FHOD3: variants seen among roughly 807,000 people sequenced by gnomAD.
The protein encoded by FHOD3 is FH1/FH2 domain-containing protein 3.
In FHOD3, 90 loss-of-function variants were observed where a neutral mutation model predicts 173.0. The observed-to-expected ratio is 0.52, with a 90% CI of 0.44 to 0.62. FHOD3 has a LOEUF of 0.62. Among genes scored for constraint, FHOD3 ranks in the 20% least tolerant of loss-of-function variants. The pLI is 0.00. For missense variants in FHOD3, 1,945 were observed against 2,034.7 expected (o/e 0.96, Z 0.85); for synonymous variants, 828 against 823.0 (o/e 1.01, Z -0.10).
At chr18:36,517,110 G>A (rs987878812) in intron 5 of FHOD3, among the ~76,000 whole-genome samples, 5 of 152,120 alleles carry the variant, frequency 3.3e-5, no homozygotes, top group African/African-American at 1.2e-4. Flanking sequence ...GCAGGCTGCT[G>A]GGAAGAAGTC....
intron 3 of FHOD3, among the ~76,000 whole-genome samples, chr18:36,469,673 C>T (rs555887007): frequency 2.6e-5 from 4 of 152,254 alleles, no homozygotes; most frequent in African/African-American, 7.2e-5. Context: ...ATGTCAGGCT[C>T]GGCAGGGGGT....
At chr18:36,532,676 C>A (rs77947313) in intron 5 of FHOD3, among the ~76,000 whole-genome samples, 1,892 of 152,316 alleles carry the variant, frequency 0.012, 42 homozygotes, top group African/African-American at 0.042. Context: ...GTAGTTACCA[C>A]GTGTTGTTCC....
chr18:36,730,155 A>G (rs1212819656), intron 19 of FHOD3, among the ~76,000 whole-genome samples: 1 of 152,178 alleles, frequency 6.6e-6, no homozygotes, highest in African/African-American at 2.4e-5. Flanking sequence ...GCTTTGAGAC[A>G]GTACAGCTGT....
chr18:36,720,236 CTTT>C (rs35295640), intron 19 of FHOD3, among the ~76,000 whole-genome samples: 9 of 119,164 alleles, frequency 7.6e-5, no homozygotes, highest in East Asian at 2.3e-4. Context: ...CGTTCCAATT[CTTT>C]TTTTTTTTTT....
chr18:36,384,959 T>G (rs2047959741), intron 3 of FHOD3, among the ~76,000 whole-genome samples: 1 of 151,954 alleles, frequency 6.6e-6, no homozygotes, highest in Non-Finnish European at 1.5e-5. Flanking sequence ...TACAAACCAT[T>G]AGAACACCAT....
chr18:36,334,317 A>G (rs1292580709), intron 1 of FHOD3, among the ~76,000 whole-genome samples: 1 of 152,230 alleles, frequency 6.6e-6, no homozygotes, highest in Non-Finnish European at 1.5e-5. Flanking sequence ...AGTTAAGGAG[A>G]GGCAGCTCTT....
At chr18:36,569,942 A>G (rs943553979) in intron 5 of FHOD3, among the ~76,000 whole-genome samples, 1 of 152,122 alleles carries the variant, frequency 6.6e-6, no homozygotes, top group African/African-American at 2.4e-5. Context: ...TTCTAGCATT[A>G]CCTGCATATA....
intron 1 of FHOD3, among the ~76,000 whole-genome samples, chr18:36,353,811 A>T (rs2046240573): frequency 6.6e-6 from 1 of 152,156 alleles, no homozygotes. Context: ...TCGTTTCTTG[A>T]TGCTGTCACA....
intron 3 of FHOD3, among the ~76,000 whole-genome samples, chr18:36,485,885 C>T (rs1468249797): frequency 1.3e-5 from 2 of 152,200 alleles, no homozygotes; most frequent in Non-Finnish European, 2.9e-5. Context: ...TTGGTGTCTA[C>T]TGTATGTGTT....
chr18:36,470,689 AG>A (rs2053231013), intron 3 of FHOD3, among the ~76,000 whole-genome samples: 1 of 152,246 alleles, frequency 6.6e-6, no homozygotes, highest in Non-Finnish European at 1.5e-5. Flanking sequence ...GCAAAATGAT[AG>A]TAGCCACTCT....
At chr18:36,437,114 T>C (rs973462084) in intron 3 of FHOD3, among the ~76,000 whole-genome samples, 1 of 152,158 alleles carries the variant, frequency 6.6e-6, no homozygotes, top group African/African-American at 2.4e-5. Flanking sequence ...CTTTTTTGCT[T>C]TTTTGTTTTG....
chr18:36,457,860 G>T (rs555104152), intron 3 of FHOD3, among the ~76,000 whole-genome samples: 12 of 152,312 alleles, frequency 7.9e-5, no homozygotes, highest in Middle Eastern at 3.4e-3. Flanking sequence ...AGTAGGCAAA[G>T]ATCTCAGTAG....
chr18:36,558,873 G>A (rs2057989437), intron 5 of FHOD3, among the ~76,000 whole-genome samples: 1 of 152,164 alleles, frequency 6.6e-6, no homozygotes, highest in East Asian at 1.9e-4. Context: ...AGAACGGGCT[G>A]CCTTCATGTC....
chr18:36,412,703 T>C (rs1187566865), intron 3 of FHOD3, among the ~76,000 whole-genome samples: 2 of 152,250 alleles, frequency 1.3e-5, no homozygotes, highest in Non-Finnish European at 1.5e-5. Flanking sequence ...TTTCAGGCTT[T>C]TTTTGTTTTA....
At position 36,369,506 on chromosome 18, in the gene FHOD3, T is replaced by TAG. The variant is rs71168219; in HGVS notation, c.273-3153_273-3152dup. ...ACACACACACACACACACATATATA[T>TAG]AGAGAGAGAGAGAGAGAGAGAGCAA... On this transcript the variant is annotated intron_variant, in intron 2 of 28. Transcript: ENST00000590592. Among the ~76,000 whole-genome samples, 368 of 128,220 alleles carry TAG rather than the reference T, an allele frequency of 2.9e-3. 2 individuals carry two copies. The highest frequency in any genetic ancestry group is 7.6e-3 in the Middle Eastern group (2 of 262). 84.1% of individuals were successfully genotyped at this position (128,220 alleles called of 152,430 possible).
At position 36,760,457 on chromosome 18, in the gene FHOD3, A is replaced by G. The variant is rs2042820668; in HGVS notation, c.4450-151A>G. On this transcript the variant is annotated intron_variant, in intron 26 of 28. Transcript: ENST00000590592. Reference sequence around the variant, plus strand: ...TTCTTGTAGGCACAGATGTTTTGTCATTAGTTAACTTCAGTGACTGCCGTA... The same window carrying G: ...TTCTTGTAGGCACAGATGTTTTGTCGTTAGTTAACTTCAGTGACTGCCGTA... 5 of 636,374 alleles carry G rather than the reference A, an allele frequency of 7.9e-6. No homozygotes were observed. In the South Asian group the frequency reaches 1.3e-4, roughly 17 times the overall value. 39.4% of individuals were successfully genotyped at this position (636,374 alleles called of 1,614,324 possible). A position where few individuals can be genotyped will look rare whatever the true frequency, so the allele number is the denominator to read the frequency against.
chr18:36,363,955 A>G (rs954361458), intron 2 of FHOD3, among the ~76,000 whole-genome samples: 1 of 152,180 alleles, frequency 6.6e-6, no homozygotes. Flanking sequence ...TTTCTATAAA[A>G]CAAAAGCCAC....
intron 10 of FHOD3, among the ~76,000 whole-genome samples, chr18:36,639,662 C>CAAAAAA (rs565028489): frequency 1.3e-5 from 1 of 77,862 alleles, no homozygotes; most frequent in Non-Finnish European, 2.5e-5. Flanking sequence ...GACTCCATCT[C>CAAAAAA]AAAAAAAAAA....
intron 3 of FHOD3, among the ~76,000 whole-genome samples, chr18:36,465,657 A>C (rs1327442015): frequency 1.3e-4 from 20 of 152,178 alleles, no homozygotes; most frequent in Admixed American, 1.3e-3. Flanking sequence ...TTGATCACCC[A>C]CACATTGACT....
Sources: gnomAD v4.1 joint callset for allele counts (sites outside exome capture counted in the v4.1 genomes callset) on GRCh38, gnomAD v4.1.1 for gene constraint, MANE v1.5 for transcripts, NCBI Gene and HGNC (gene_info 2026-07-23, HGNC 2026-07-21) for gene names.